The following SLC35F3 variants were observed in gnomAD, a reference collection of about 807,000 sequenced individuals.
SLC35F3 encodes the protein putative thiamine transporter SLC35F3.
SLC35F3 carries 25 observed loss-of-function variants against 49.9 expected under a neutral mutation model. That is an observed-to-expected ratio of 0.50 (90% confidence interval 0.37 to 0.70). The LOEUF (loss-of-function observed/expected upper bound fraction) is 0.70. Ranked by LOEUF, SLC35F3 falls within the 30% of genes least tolerant of loss-of-function variation. SLC35F3 has a pLI of 0.00. For synonymous variants in SLC35F3, 275 were observed against 265.4 expected (o/e 1.04, Z -0.35); for missense variants, 525 against 639.8 (o/e 0.82, Z 1.94).
chr1:233,968,980 CA>C (rs1662946371), intron 2 of SLC35F3, among the ~76,000 whole-genome samples: 1 of 151,094 alleles, frequency 6.6e-6, no homozygotes, highest in South Asian at 2.1e-4. Context: ...TGTGTTGTTG[CA>C]AAGGACACGA....
At chr1:234,013,301 A>G (rs1315687782) in intron 2 of SLC35F3, among the ~76,000 whole-genome samples, 2 of 152,202 alleles carry the variant, frequency 1.3e-5, no homozygotes, top group Non-Finnish European at 2.9e-5. Flanking sequence ...AATAGCAAAA[A>G]CAACCTACAG....
chr1:234,043,540 C>A (rs1444601616), intron 2 of SLC35F3, among the ~76,000 whole-genome samples: 1 of 152,092 alleles, frequency 6.6e-6, no homozygotes, highest in Admixed American at 6.5e-5. Context: ...GATCTGTTTC[C>A]ACATTCAACT....
chr1:234,267,965 C>T (rs1314847528), intron 3 of SLC35F3, among the ~76,000 whole-genome samples: 4 of 148,388 alleles, frequency 2.7e-5, no homozygotes, highest in South Asian at 2.2e-4. Context: ...CTCCTCACTT[C>T]CCTGACTGGG....
intron 2 of SLC35F3, among the ~76,000 whole-genome samples, chr1:234,173,866 C>G (rs1333655219): frequency 6.6e-6 from 1 of 152,200 alleles, no homozygotes; most frequent in Non-Finnish European, 1.5e-5. Context: ...GTTTCCTCCG[C>G]TCTCTGACAA....
At chr1:234,232,096 G>A (rs1366677564) in intron 3 of SLC35F3, among the ~76,000 whole-genome samples, 1 of 152,152 alleles carries the variant, frequency 6.6e-6, no homozygotes, top group Non-Finnish European at 1.5e-5. Flanking sequence ...GGACCGCAAG[G>A]CCATGGAGCC....
In SLC35F3 at chr1:234,318,845, G is replaced by A. The variant is rs763358337; in HGVS notation, c.1049G>A (p.Cys350Tyr). ...GTGTTTAACATCCTCTTCATCACCT[G>A]CATTCCTATTATCCTCTACTTTACC... ...LGVFNILFIT[C>Y]IPIILYFTKV... The change falls in exon 6 of 8, where the codon TGC (cysteine) becomes TAC (tyrosine). Residue 350 changes from cysteine to tyrosine, a missense_variant. Coordinates refer to ENST00000366618, the MANE Select transcript of SLC35F3 (RefSeq NM_173508.4). 1.2e-6 allele frequency: 2 copies of A among 1,614,028 alleles called. No individual in the cohort carries two copies. Among genetic ancestry groups the A allele is most frequent in the Non-Finnish European group, 8.5e-7 (1 of 1,180,008 alleles).
At chr1:233,976,591 T>C (rs1663086988) in intron 2 of SLC35F3, among the ~76,000 whole-genome samples, 1 of 152,228 alleles carries the variant, frequency 6.6e-6, no homozygotes, top group Non-Finnish European at 1.5e-5. Context: ...TTGTGCATAA[T>C]TTCATAGTAT....
At chr1:233,975,114 A>T (rs1663060283) in intron 2 of SLC35F3, among the ~76,000 whole-genome samples, 1 of 151,608 alleles carries the variant, frequency 6.6e-6, no homozygotes, top group Admixed American at 6.6e-5. Flanking sequence ...CCAGAGAGTC[A>T]GAGTCAGGAA....
At chr1:234,292,747 G>A (rs1407051802) in intron 3 of SLC35F3, among the ~76,000 whole-genome samples, 1 of 152,196 alleles carries the variant, frequency 6.6e-6, no homozygotes, top group Non-Finnish European at 1.5e-5. Context: ...TCAGTTCCCT[G>A]CCATGAACAG....
chr1:234,171,670 G>A (rs1054711996), intron 2 of SLC35F3, among the ~76,000 whole-genome samples: 2 of 152,170 alleles, frequency 1.3e-5, no homozygotes, highest in Non-Finnish European at 2.9e-5. Context: ...AGGCTGGGAA[G>A]GGTAGGAGGA....
chr1:233,982,343 G>T (rs1276249027), intron 2 of SLC35F3, among the ~76,000 whole-genome samples: 3 of 151,960 alleles, frequency 2.0e-5, no homozygotes, highest in Non-Finnish European at 4.4e-5. Flanking sequence ...TTTTTTAACT[G>T]TTCAGTTTGA....
At chr1:234,160,218 A>G (rs944071188) in intron 2 of SLC35F3, among the ~76,000 whole-genome samples, 2 of 152,214 alleles carry the variant, frequency 1.3e-5, no homozygotes, top group Non-Finnish European at 2.9e-5. Context: ...AGGCCTACAC[A>G]TAACAATTTT....
At chr1:234,120,426 C>G (rs1295583150) in intron 2 of SLC35F3, among the ~76,000 whole-genome samples, 1 of 152,214 alleles carries the variant, frequency 6.6e-6, no homozygotes, top group Non-Finnish European at 1.5e-5. Context: ...AAACCGTGCT[C>G]AGCATGTCCA....
chr1:233,979,293 G>A (rs538604408), intron 2 of SLC35F3, among the ~76,000 whole-genome samples: 67 of 152,216 alleles, frequency 4.4e-4, no homozygotes, highest in Non-Finnish European at 3.1e-4. Context: ...CTCTCTTCAC[G>A]TTAGGGGATT....
intron 2 of SLC35F3, among the ~76,000 whole-genome samples, chr1:233,920,163 C>T (rs774155447): frequency 2.0e-5 from 3 of 152,016 alleles, no homozygotes; most frequent in Non-Finnish European, 4.4e-5. Context: ...TTGTAAGTTA[C>T]GGGGTTACCC....
chr1:234,212,282 G>A (rs1393972609), intron 2 of SLC35F3, among the ~76,000 whole-genome samples: 93 of 152,180 alleles, frequency 6.1e-4, no homozygotes, highest in Non-Finnish European at 1.3e-4. Context: ...TGAAGTGCTG[G>A]AGGACATCCA....
At chr1:234,147,545 C>A (rs1008436981) in intron 2 of SLC35F3, among the ~76,000 whole-genome samples, 1 of 152,056 alleles carries the variant, frequency 6.6e-6, no homozygotes, top group Non-Finnish European at 1.5e-5. Flanking sequence ...CATGTGTACT[C>A]CTCAGTTATG....
intron 3 of SLC35F3, among the ~76,000 whole-genome samples, chr1:234,273,841 G>A (rs569604944): frequency 2.0e-5 from 3 of 152,176 alleles, no homozygotes; most frequent in Non-Finnish European, 4.4e-5. Context: ...CTGCTTAAGG[G>A]TGCCACAATC....
At chr1:233,913,500 T>C (rs763076825) in intron 2 of SLC35F3, among the ~76,000 whole-genome samples, 1 of 152,220 alleles carries the variant, frequency 6.6e-6, no homozygotes, top group Non-Finnish European at 1.5e-5. Context: ...GAAAGCTCTC[T>C]AGGGGCAGGG....
Sources: gnomAD v4.1 joint callset for allele counts (sites outside exome capture counted in the v4.1 genomes callset) on GRCh38, gnomAD v4.1.1 for gene constraint, MANE v1.5 for transcripts, NCBI Gene and HGNC (gene_info 2026-07-23, HGNC 2026-07-21) for gene names.